Variants in FBRSL1 observed in about 807,000 individuals in gnomAD.
FBRSL1 encodes fibrosin like 1, also known as fibrosin-1-like protein.
In FBRSL1, 51 loss-of-function variants were observed where a neutral mutation model predicts 89.6. The observed-to-expected ratio is 0.57, with a 90% CI of 0.45 to 0.72. FBRSL1 has a LOEUF of 0.72. Ranked by LOEUF, FBRSL1 falls within the 30% of genes least tolerant of loss-of-function variation. FBRSL1 has a pLI of 0.00. For synonymous variants in FBRSL1, 779 were observed against 681.1 expected, an observed-to-expected ratio of 1.14 and a Z score of -2.24; for missense variants, 1,618 against 1,451.8, an observed-to-expected ratio of 1.11 and a Z score of -1.86.
At chr12:132,494,587 G>C (rs1044293252) in intron 1 of FBRSL1, among the ~76,000 whole-genome samples, 1 of 152,254 alleles carries the variant, frequency 6.6e-6, no homozygotes, top group African/African-American at 2.4e-5. Context: ...GGGTGCCCAG[G>C]AGCACATTGG....
intron 4 of FBRSL1, among the ~76,000 whole-genome samples, chr12:132,534,340 C>T (rs938019691): frequency 6.6e-6 from 1 of 152,250 alleles, no homozygotes; most frequent in Non-Finnish European, 1.5e-5. Context: ...GCATTTAGAT[C>T]ATCTGACTCC....
intron 1 of FBRSL1, among the ~76,000 whole-genome samples, chr12:132,492,613 C>T (rs1593211200): frequency 2.0e-5 from 3 of 152,356 alleles, no homozygotes; most frequent in African/African-American, 4.8e-5. Context: ...TTGCCCGCAG[C>T]GGCTCTGACT....
At chr12:132,519,487 G>C (rs141411045) in intron 2 of FBRSL1, among the ~76,000 whole-genome samples, 30 of 152,352 alleles carry the variant, frequency 2.0e-4, no homozygotes, top group African/African-American at 7.0e-4. Flanking sequence ...TCCCAACTCT[G>C]AGAGTCGTTC....
Position 132,571,653 on chromosome 12 carries a change from TGTC to T in FBRSL1, c.1377+426_1377+428del, listed in dbSNP as rs1311141077. On this transcript the variant is annotated intron_variant, in intron 9 of 18. Coordinates refer to ENST00000680143, the MANE Select transcript of FBRSL1 (RefSeq NM_001367871.1). ...AGGTGGGGGGCCGGCGGCACCTCTC[TGTC>T]GTCTGTCCGGTCCCCAACGTGCCTT... The T allele has an allele frequency of 1.3e-5, 8 of 615,000 alleles. No individual in the cohort carries two copies. In the African/African-American group the frequency reaches 1.4e-4, roughly 11 times the overall value. The allele number at this position is 615,000 out of a possible 1,614,324, so 38.1% of individuals were successfully genotyped here.
intron 4 of FBRSL1, among the ~76,000 whole-genome samples, chr12:132,530,731 G>A (rs2036191198): frequency 7.2e-6 from 1 of 139,030 alleles, no homozygotes. Flanking sequence ...GGGGCTGGGG[G>A]GTGGGGGGAG....
chr12:132,577,717 CTG>C (rs972644536), intron 15 of FBRSL1, among the ~76,000 whole-genome samples: 4 of 152,164 alleles, frequency 2.6e-5, no homozygotes, highest in African/African-American at 7.2e-5. Flanking sequence ...CACGAAGACT[CTG>C]GGGTGCTGAT....
chr12:132,570,244 G>A lies in FBRSL1; in HGVS notation c.1007+3G>A. The A allele has an allele frequency of 6.7e-6, 10 of 1,491,422 alleles. No individual in the cohort carries two copies. Among genetic ancestry groups the A allele is most frequent in the Non-Finnish European group, 8.0e-6 (9 of 1,129,632 alleles). The allele number at this position is 1,491,422 out of a possible 1,614,324, so 92.4% of individuals were successfully genotyped here. A position where few individuals can be genotyped will look rare whatever the true frequency, so the allele number is the denominator to read the frequency against. ...GCCAACGGCCTGCACGGCCTCAGGT[G>A]GGGTCCCCGCGGGGGACGGGGCCTG... is the stretch of plus-strand genomic sequence containing the variant. On this transcript the variant is annotated splice_donor_region_variant and intron_variant, in intron 7 of 18. Transcript: ENST00000680143.
intron 1 of FBRSL1, among the ~76,000 whole-genome samples, chr12:132,492,090 C>T (rs1033131342): frequency 4.6e-5 from 7 of 152,222 alleles, no homozygotes; most frequent in African/African-American, 9.6e-5. Context: ...ACAGACTGTA[C>T]GTGTACTGAG....
intron 4 of FBRSL1, among the ~76,000 whole-genome samples, chr12:132,542,966 G>C (rs1485051531): frequency 2.0e-5 from 3 of 152,214 alleles, no homozygotes; most frequent in African/African-American, 7.2e-5. Flanking sequence ...ACCCCAACCC[G>C]TAGCCGCCCA....
At chr12:132,511,103 G>T (rs1384171463) in intron 2 of FBRSL1, 4 of 985,450 alleles carry the variant, frequency 4.1e-6, no homozygotes, top group Admixed American at 6.2e-5. Flanking sequence ...GGAGGTGCTG[G>T]TGTCCACCTC....
intron 15 of FBRSL1, among the ~76,000 whole-genome samples, chr12:132,577,814 G>C (rs1420090938): frequency 1.3e-5 from 2 of 152,270 alleles, no homozygotes; most frequent in Admixed American, 6.5e-5. Flanking sequence ...ACACAGTCTG[G>C]GTGCCTAGAG....
chr12:132,573,592 C>T (rs1485842613), intron 11 of FBRSL1, among the ~76,000 whole-genome samples: 4 of 152,318 alleles, frequency 2.6e-5, no homozygotes, highest in Non-Finnish European at 5.9e-5. Context: ...CTGTCCCGGC[C>T]GCACCCCGAG....
At chr12:132,547,870 G>C in intron 4 of FBRSL1, 133 bp from the exon 5 acceptor site, 3 of 921,872 alleles carry the variant, frequency 3.3e-6, no homozygotes, top group Non-Finnish European at 5.1e-6. Flanking sequence ...ACCTGGGCCT[G>C]CTGGTACCTC....
chr12:132,514,050 C>T (rs2034609359), intron 2 of FBRSL1, among the ~76,000 whole-genome samples: 1 of 152,246 alleles, frequency 6.6e-6, no homozygotes, highest in Admixed American at 6.5e-5. Flanking sequence ...GGAAACACCA[C>T]CTCCTGGGCC....
intron 9 of FBRSL1, 70 bp downstream of exon 9, chr12:132,571,301 T>C: frequency 6.5e-7 from 1 of 1,528,652 alleles, no homozygotes; most frequent in Non-Finnish European, 8.8e-7. Flanking sequence ...TCTTTTTCTC[T>C]TGTAGATCAC....
Position 132,570,435 on chromosome 12 carries a change from C to G in FBRSL1, c.1108C>G (p.Gln370Glu). ...TACCTCACACCTGGCGCTCCGGTCC[C>G]AGGCGCAGCACCAGCTCCACGCGGC... Reference protein sequence around the residue: ...LSTSHLALRSQAQHQLHAAMF... With the variant: ...LSTSHLALRSEAQHQLHAAMF... Residue 370 changes from glutamine to glutamate, a missense_variant, in exon 8 of 19, where the codon CAG becomes GAG. Transcript: ENST00000680143. 6.5e-7 allele frequency: 1 copy of G among 1,534,984 alleles called. No individual in the cohort carries two copies. Among genetic ancestry groups the G allele is most frequent in the Non-Finnish European group, 8.7e-7 (1 of 1,145,830 alleles).
At position 132,583,749 on chromosome 12, in the gene FBRSL1, C is replaced by T. The variant is rs538967317; in HGVS notation, c.2980C>T (p.Arg994Ter). 1 of 1,217,286 alleles carries T rather than the reference C, an allele frequency of 8.2e-7. No homozygotes were observed. 75.4% of individuals were successfully genotyped at this position (1,217,286 alleles called of 1,614,324 possible). A position where few individuals can be genotyped will look rare whatever the true frequency, so the allele number is the denominator to read the frequency against. The change falls in exon 19 of 19, where the codon CGA (arginine) becomes TGA (stop). Residue 994 changes from arginine (R) to a stop codon, truncating the protein, a stop_gained. Coordinates refer to ENST00000680143, the MANE Select transcript of FBRSL1 (RefSeq NM_001367871.1). LOFTEE classifies it high-confidence loss of function. ...CGAGGCGCGCGACTACTCCCCGTCC[C>T]GAAATCCCCCGGAGGTGGAGGCGCG... ...PGEARDYSPSRNPPEVEAR is the reference protein window; with the variant it reads ...PGEARDYSPS
At position 132,490,475 on chromosome 12, in the gene FBRSL1, T is replaced by C; in HGVS notation, c.-96T>C. ...GGGCCCGAGCCCGCGCGGCGCACAC[T>C]CAGCCCGGCGGCGCCGCGTAGCCGA... On this transcript the variant is annotated 5_prime_UTR_variant, in exon 1 of 19. Coordinates refer to ENST00000680143, the MANE Select transcript of FBRSL1 (RefSeq NM_001367871.1). The C allele has an allele frequency of 1.1e-6, 1 of 869,918 alleles. No homozygotes were observed. The highest frequency in any genetic ancestry group is 1.4e-6 in the Non-Finnish European group (1 of 731,068). The allele number at this position is 869,918 out of a possible 1,614,324, so 53.9% of individuals were successfully genotyped here.
chr12:132,491,791 G>C (rs570154670), intron 1 of FBRSL1, among the ~76,000 whole-genome samples: 164 of 152,380 alleles, frequency 1.1e-3, no homozygotes, highest in African/African-American at 3.7e-3. Flanking sequence ...GGGGACTGTA[G>C]AGAGCCTTGG....
Sources: gnomAD v4.1 joint callset for allele counts (sites outside exome capture counted in the v4.1 genomes callset) on GRCh38, gnomAD v4.1.1 for gene constraint, MANE v1.5 for transcripts, NCBI Gene and HGNC (gene_info 2026-07-23, HGNC 2026-07-21) for gene names.